The following SOX5 variants were observed in gnomAD, a reference collection of about 807,000 sequenced individuals.
The protein encoded by SOX5 is transcription factor SOX-5.
In SOX5, 9 loss-of-function variants were observed where a neutral mutation model predicts 92.0. That is an observed-to-expected ratio of 0.10 (90% CI 0.06 to 0.17). The LOEUF is 0.17. Among genes scored for constraint, SOX5 ranks in the 10% least tolerant of loss-of-function variants. The pLI is 1.00. For synonymous variants in SOX5, 344 were observed against 336.3 expected, an observed-to-expected ratio of 1.02 and a Z score of -0.25; for missense variants, 642 against 944.5, an observed-to-expected ratio of 0.68 and a Z score of 4.20.
intron 9 of SOX5, among the ~76,000 whole-genome samples, chr12:23,596,032 C>A (rs73273887): frequency 0.04 from 6,024 of 152,296 alleles, 371 homozygotes; most frequent in African/African-American, 0.14. Context: ...TACCTTGAGA[C>A]TGGGTTATTG....
intron 4 of SOX5, among the ~76,000 whole-genome samples, chr12:23,977,567 G>A (rs969342870): frequency 6.6e-6 from 1 of 151,180 alleles, no homozygotes; most frequent in Non-Finnish European, 1.5e-5. Flanking sequence ...GGAGGCTGAG[G>A]CACAAGAATT....
intron 4 of SOX5, among the ~76,000 whole-genome samples, chr12:24,163,370 G>C (rs943405469): frequency 3.3e-5 from 5 of 152,054 alleles, no homozygotes; most frequent in Non-Finnish European, 7.4e-5. Flanking sequence ...CCAGGATCTG[G>C]GAGGTAGCCA....
intron 1 of SOX5, among the ~76,000 whole-genome samples, chr12:24,412,027 G>C (rs1049229727): frequency 6.6e-6 from 1 of 152,042 alleles, no homozygotes; most frequent in Non-Finnish European, 1.5e-5. Context: ...TTGAGGATTG[G>C]ATCCATCTAA....
chr12:24,486,631 T>C (rs113692176), intron 1 of SOX5, among the ~76,000 whole-genome samples: 21 of 152,204 alleles, frequency 1.4e-4, no homozygotes, highest in African/African-American at 5.1e-4. Context: ...TTTAAAGCTA[T>C]GACTTAAAGC....
intron 4 of SOX5, among the ~76,000 whole-genome samples, chr12:24,096,040 T>C: frequency 6.6e-6 from 1 of 152,224 alleles, no homozygotes. Flanking sequence ...TGATTAGCAC[T>C]GAACTGGAAG....
intron 3 of SOX5, among the ~76,000 whole-genome samples, chr12:23,787,240 T>C (rs1190499064): frequency 6.6e-6 from 1 of 152,006 alleles, no homozygotes; most frequent in Non-Finnish European, 1.5e-5. Flanking sequence ...ATTTAGGATA[T>C]ATGAAAGTAA....
chr12:23,961,914 A>G (rs1488341789), intron 4 of SOX5, among the ~76,000 whole-genome samples: 3 of 152,228 alleles, frequency 2.0e-5, no homozygotes, highest in Non-Finnish European at 4.4e-5. Context: ...CTCAAAGAAG[A>G]GAGATTAAAA....
chr12:24,498,900 C>G (rs1161819460), intron 1 of SOX5, among the ~76,000 whole-genome samples: 3 of 152,110 alleles, frequency 2.0e-5, no homozygotes. Context: ...TTGGAACACA[C>G]CAAAATTTCT....
At chr12:23,981,782 A>C (rs1045723228) in intron 4 of SOX5, among the ~76,000 whole-genome samples, 2 of 152,158 alleles carry the variant, frequency 1.3e-5, no homozygotes, top group African/African-American at 4.8e-5. Flanking sequence ...TTAATTAACA[A>C]TTAATTCTTC....
intron 1 of SOX5, among the ~76,000 whole-genome samples, chr12:24,545,843 A>C (rs1952572153): frequency 6.6e-6 from 1 of 152,098 alleles, no homozygotes; most frequent in South Asian, 2.1e-4. Flanking sequence ...TTCAGTTATA[A>C]AGGCCTGGCT....
chr12:24,067,338 A>G (rs1034279119), intron 4 of SOX5, among the ~76,000 whole-genome samples: 2 of 152,204 alleles, frequency 1.3e-5, no homozygotes, highest in African/African-American at 4.8e-5. Context: ...ATATAGTCAA[A>G]ACAACCATGA....
intron 4 of SOX5, among the ~76,000 whole-genome samples, chr12:24,199,815 G>A (rs944042108): frequency 3.9e-5 from 6 of 152,156 alleles, no homozygotes; most frequent in African/African-American, 1.2e-4. Context: ...CCTAACAAGA[G>A]AGGTGATTTC....
At chr12:24,329,882 G>A (rs1951101330) in intron 2 of SOX5, among the ~76,000 whole-genome samples, 1 of 152,116 alleles carries the variant, frequency 6.6e-6, no homozygotes, top group Non-Finnish European at 1.5e-5. Flanking sequence ...AATTAGCCAG[G>A]TGTGGTAGAA....
chr12:24,301,668 G>A (rs188075062), intron 2 of SOX5, among the ~76,000 whole-genome samples: 53 of 152,250 alleles, frequency 3.5e-4, no homozygotes, highest in Admixed American at 1.1e-3. Context: ...TGACTGAAAC[G>A]TTTATTTCTG....
rs1406378527 is a variant in SOX5 at position 24,389,436 on chromosome 12, T to A, written c.-250-20797A>T. Among the ~76,000 whole-genome samples the A allele has an allele frequency of 2.0e-5, 3 of 152,218 alleles. No homozygotes were observed. In the East Asian group the frequency reaches 5.8e-4, roughly 29 times the overall value. On this transcript the variant is annotated intron_variant, in intron 1 of 4. Transcript: ENST00000446891. ...GTGTACCTCTTTTTTCATCAACTTT[T>A]AAGTTCCAGAGTACATGTGCAAGAT...
At chr12:23,988,862 TAC>T (rs1210641024) in intron 4 of SOX5, among the ~76,000 whole-genome samples, 3 of 152,164 alleles carry the variant, frequency 2.0e-5, no homozygotes, top group East Asian at 1.9e-4. Context: ...GTTGGAGCAA[TAC>T]AGAGTCTCTT....
intron 1 of SOX5, among the ~76,000 whole-genome samples, chr12:24,544,026 C>T (rs1190228686): frequency 6.6e-6 from 1 of 152,038 alleles, no homozygotes; most frequent in Non-Finnish European, 1.5e-5. Flanking sequence ...TAATTTTATC[C>T]ATAATGAAAA....
intron 1 of SOX5, among the ~76,000 whole-genome samples, chr12:23,945,691 A>G (rs1944477923): frequency 6.6e-6 from 1 of 152,152 alleles, no homozygotes; most frequent in Non-Finnish European, 1.5e-5. Flanking sequence ...GCCTATGAGA[A>G]CATCCTGAAA....
intron 4 of SOX5, among the ~76,000 whole-genome samples, chr12:24,200,682 C>T (rs1201113300): frequency 1.3e-5 from 2 of 152,030 alleles, no homozygotes; most frequent in Non-Finnish European, 2.9e-5. Flanking sequence ...CTCTAATGCC[C>T]CAGAGTAATT....
Sources: allele counts gnomAD v4.1 joint callset (sites outside exome capture counted in the v4.1 genomes callset), GRCh38; gene constraint gnomAD v4.1.1; transcripts MANE v1.5; gene names NCBI Gene and HGNC (gene_info 2026-07-23, HGNC 2026-07-21).